Variants in AFAP1L2 observed in about 807,000 individuals in gnomAD.
AFAP1L2 encodes actin filament associated protein 1 like 2.
Under a neutral mutation model 99.3 loss-of-function variants are expected in AFAP1L2, and 46 were observed. The ratio of observed to expected loss-of-function variants is 0.46; its 90% CI spans 0.37 to 0.59. AFAP1L2 has a LOEUF of 0.59. AFAP1L2 is among the 20% of genes least tolerant of loss of function. AFAP1L2 has a pLI of 0.00. For missense variants in AFAP1L2, 959 were observed against 1,034.9 expected (o/e 0.93, Z 1.01); for synonymous variants, 397 against 419.1 (o/e 0.95, Z 0.64).
rs7922346 is a variant in AFAP1L2, at chr10:114,310,085, G to A, written c.882+269C>T. ...TGGGATTACAGGCGCCCACCACCAC[G>A]CCTGGCTATTTTTGTATTTTTAGTA... On this transcript the variant is annotated intron_variant, in intron 8 of 18. Transcript: ENST00000304129. Among the ~76,000 whole-genome samples, 105,861 of 151,872 alleles carry A rather than the reference G, an allele frequency of 0.7. 40,418 individuals carry two copies. Among genetic ancestry groups the A allele is most frequent in the Non-Finnish European group, 0.85 (57,534 of 67,980 alleles).
downstream of AFAP1L2, chr10:114,290,431 C>T (rs1256772536): frequency 6.5e-7 from 1 of 1,534,658 alleles, no homozygotes. Flanking sequence ...CCAAGTCCCA[C>T]AAACTCAGCT....
intron 10 of AFAP1L2, among the ~76,000 whole-genome samples, chr10:114,306,683 G>A (rs1451575460): frequency 1.3e-5 from 2 of 152,000 alleles, no homozygotes; most frequent in Non-Finnish European, 2.9e-5. Context: ...TGGATCATGA[G>A]AGGTGGGATC....
At chr10:114,363,258 C>T (rs535629142) in intron 1 of AFAP1L2, 1,252 of 841,934 alleles carry the variant, frequency 1.5e-3, no homozygotes, top group Non-Finnish European at 1.7e-3. Flanking sequence ...CTTGAGCCCA[C>T]CGGCTTCTTT....
rs962957647 is a variant in AFAP1L2, at chr10:114,352,506, G to A, written c.17-11775C>T. ...AAAAAAAAAAAAAAAAAAAGCAACC[G>A]GAGATGTCCTGTTTGATTTTACAGA... On this transcript the variant is annotated intron_variant, in intron 1 of 18. Coordinates refer to ENST00000304129, the MANE Select transcript of AFAP1L2 (RefSeq NM_001001936.3). Among the ~76,000 whole-genome samples, 39 of 43,838 alleles carry A rather than the reference G, an allele frequency of 8.9e-4. 2 individuals are homozygous for A. The South Asian group carries it at 0.02, about 23-fold the overall frequency. The allele number at this position is 43,838 out of a possible 152,430, so 28.8% of individuals were successfully genotyped here.
intron 4 of AFAP1L2, among the ~76,000 whole-genome samples, chr10:114,331,420 T>C (rs2047212173): frequency 1.3e-5 from 2 of 152,140 alleles, no homozygotes; most frequent in Admixed American, 1.3e-4. Context: ...CTCAGCCTCC[T>C]GAGTAGCTGG....
At chr10:114,281,704 G>A in the AFAP1L2 span, 1 of 984,196 alleles carries the variant, frequency 1.0e-6, no homozygotes, top group South Asian at 4.7e-5. Context: ...GGGGTGGAGG[G>A]GCGGGGCTGG....
chr10:114,403,254 C>A (rs1264697550), intron 1 of AFAP1L2, among the ~76,000 whole-genome samples: 2 of 152,224 alleles, frequency 1.3e-5, no homozygotes, highest in Non-Finnish European at 2.9e-5. Flanking sequence ...ATATATGAAG[C>A]TCTGTCTGGG....
At chr10:114,302,126 C>A in intron 12 of AFAP1L2, 2 of 646,092 alleles carry the variant, frequency 3.1e-6, no homozygotes, top group Non-Finnish European at 5.2e-6. Flanking sequence ...GCCCCCGGGG[C>A]CCGAAGCCTG....
At chr10:114,282,006 G>T in the AFAP1L2 span, among the ~76,000 whole-genome samples, 1 of 79,614 alleles carries the variant, frequency 1.3e-5, no homozygotes, top group Non-Finnish European at 2.6e-5. Context: ...GTGATAGCCA[G>T]CTTATGTTAC....
downstream of AFAP1L2, among the ~76,000 whole-genome samples, chr10:114,292,837 C>T (rs1053458257): frequency 1.8e-4 from 27 of 152,130 alleles, no homozygotes; most frequent in Admixed American, 1.5e-3. Flanking sequence ...TCTTGAGTAG[C>T]TGGGATTAGA....
intron 1 of AFAP1L2, among the ~76,000 whole-genome samples, chr10:114,353,789 G>T (rs2050900350): frequency 6.6e-6 from 1 of 152,174 alleles, no homozygotes; most frequent in Non-Finnish European, 1.5e-5. Context: ...CTGGGGTGGG[G>T]GACAGAGGAT....
chr10:114,361,071 G>A (rs7081219), intron 1 of AFAP1L2, among the ~76,000 whole-genome samples: 133,280 of 152,176 alleles, frequency 0.88, 60,341 homozygotes, highest in East Asian at 1. Flanking sequence ...TCGGCAGACA[G>A]GAGAAGAGAA....
intron 1 of AFAP1L2, among the ~76,000 whole-genome samples, chr10:114,404,057 G>T (rs1481237574): frequency 6.6e-6 from 1 of 152,226 alleles, no homozygotes; most frequent in Non-Finnish European, 1.5e-5. Flanking sequence ...TTTGCCCCCA[G>T]CAGCTCAGCA....
chr10:114,399,276 G>A (rs1012996494), intron 1 of AFAP1L2, among the ~76,000 whole-genome samples: 17 of 152,294 alleles, frequency 1.1e-4, no homozygotes, highest in African/African-American at 3.8e-4. Context: ...GCCCACCTGC[G>A]ATGTGCTAGG....
chr10:114,335,234 C>G (rs2047758836), intron 2 of AFAP1L2, among the ~76,000 whole-genome samples: 1 of 152,084 alleles, frequency 6.6e-6, no homozygotes, highest in African/African-American at 2.4e-5. Context: ...AGAAACTTAT[C>G]CTACAGATAA....
rs759379249 is a variant in AFAP1L2, at chr10:114,315,831, G to A, written c.407-66C>T. ...GGGACAGTCCTGAAGCAGCATCGCTGGGGAGGGCAGCAGGCAGGAGCAGCA... is the reference window on the plus strand; with the variant it reads ...GGGACAGTCCTGAAGCAGCATCGCTAGGGAGGGCAGCAGGCAGGAGCAGCA... On this transcript the variant is annotated intron_variant, in intron 5 of 18. Coordinates refer to ENST00000304129, the MANE Select transcript of AFAP1L2 (RefSeq NM_001001936.3). 40 of 1,482,194 alleles carry A rather than the reference G, an allele frequency of 2.7e-5. No individual in the cohort carries two copies. In the Admixed American group the frequency reaches 3.2e-4, roughly 12 times the overall value. The allele number at this position is 1,482,194 out of a possible 1,614,324, so 91.8% of individuals were successfully genotyped here.
intron 1 of AFAP1L2, among the ~76,000 whole-genome samples, chr10:114,353,500 G>A (rs1252818542): frequency 6.6e-6 from 1 of 152,232 alleles, no homozygotes; most frequent in Non-Finnish European, 1.5e-5. Flanking sequence ...TTCATTCTGT[G>A]AAGTAGGCAT....
chr10:114,295,249 C>T lies in AFAP1L2; in HGVS notation c.*793G>A, dbSNP rs2040022754. ...CTGTAAACACAGAGTAATATTTTTC[C>T]TACAGTAAAGAGTCACTTTAATCTC... On this transcript the variant is annotated 3_prime_UTR_variant, in exon 19 of 19. Transcript: ENST00000304129. 1 of 985,618 alleles carries T rather than the reference C, an allele frequency of 1.0e-6. No homozygotes were observed. Among genetic ancestry groups the T allele is most frequent in the South Asian group, 4.7e-5 (1 of 21,284 alleles). 61.1% of individuals were successfully genotyped at this position (985,618 alleles called of 1,614,324 possible).
At chr10:114,308,200 A>G (rs1302239200) in intron 9 of AFAP1L2, among the ~76,000 whole-genome samples, 2 of 152,236 alleles carry the variant, frequency 1.3e-5, no homozygotes, top group Non-Finnish European at 2.9e-5. Context: ...GAGATTTGAA[A>G]TAGGGTTAGC....
Sources: gnomAD v4.1 joint callset for allele counts (sites outside exome capture counted in the v4.1 genomes callset) on GRCh38, gnomAD v4.1.1 for gene constraint, MANE v1.5 for transcripts, NCBI Gene and HGNC (gene_info 2026-07-23, HGNC 2026-07-21) for gene names.